Variants in ZNF678 observed in about 807,000 individuals in gnomAD.
ZNF678 encodes the protein hypothetical protein MGC42493.
A neutral mutation model predicts 3.0 loss-of-function variants in ZNF678; 5 were observed. The observed-to-expected ratio is 1.69, with a 90% CI of 0.88 to 3.56. The LOEUF is 3.56. ZNF678 is among the 30% of genes most tolerant of loss of function. The pLI is 0.00. For synonymous variants in ZNF678, 218 were observed against 199.6 expected, an observed-to-expected ratio of 1.09 and a Z score of -0.78; for missense variants, 593 against 605.0, an observed-to-expected ratio of 0.98 and a Z score of 0.21.
At chr1:227,637,506 GT>G (rs1167021234) in intron 1 of ZNF678, among the ~76,000 whole-genome samples, 2 of 152,202 alleles carry the variant, frequency 1.3e-5, no homozygotes, top group African/African-American at 4.8e-5. Context: ...GTTTAGAGAG[GT>G]AGGCAACAAC....
rs543399918 is a variant in ZNF678 at position 227,646,531 on chromosome 1, T to TC, written c.-163-13_-163-12insC. ...ACATTTTGTAAATACGTGTGTATTTTTCCCCCCCCCAGGGACTACTGGCAT... is the reference window on the plus strand; with the variant it reads ...ACATTTTGTAAATACGTGTGTATTTTCTCCCCCCCCCAGGGACTACTGGCAT... On this transcript the variant is annotated splice_polypyrimidine_tract_variant and intron_variant, in intron 1 of 3. Coordinates refer to ENST00000343776, the MANE Select transcript of ZNF678 (RefSeq NM_001367909.1). The TC allele has an allele frequency of 2.5e-3, 3,315 of 1,329,966 alleles. 45 individuals carry two copies. The African/African-American group carries it at 0.058, about 23-fold the overall frequency. 82.4% of individuals were successfully genotyped at this position (1,329,966 alleles called of 1,614,324 possible).
intron 1 of ZNF678, among the ~76,000 whole-genome samples, chr1:227,567,609 A>G (rs1656724138): frequency 6.6e-6 from 1 of 152,128 alleles, no homozygotes; most frequent in Admixed American, 6.5e-5. Flanking sequence ...TCTGAGGATA[A>G]ATTTCATTGT....
At chr1:227,668,698 A>G (rs1179190366) in intron 5 of ZNF678, among the ~76,000 whole-genome samples, 1 of 152,202 alleles carries the variant, frequency 6.6e-6, no homozygotes, top group Non-Finnish European at 1.5e-5. Context: ...TGTTTAAAAT[A>G]TAATTTGAAT....
intron 1 of ZNF678, among the ~76,000 whole-genome samples, chr1:227,640,224 G>A (rs377650704): frequency 1.3e-5 from 2 of 152,166 alleles, no homozygotes; most frequent in Non-Finnish European, 2.9e-5. Flanking sequence ...TGAGGAAGGA[G>A]AATGAGTACA....
chr1:227,580,945 C>T (rs961728714), intron 1 of ZNF678, among the ~76,000 whole-genome samples: 1 of 151,782 alleles, frequency 6.6e-6, no homozygotes, highest in African/African-American at 2.4e-5. Flanking sequence ...AAAAATTTTA[C>T]CACAGAAAAT....
intron 1 of ZNF678, among the ~76,000 whole-genome samples, chr1:227,640,692 CGCAA>C (rs1558151935): frequency 6.6e-6 from 1 of 151,872 alleles, no homozygotes; most frequent in African/African-American, 2.4e-5. Context: ...CAGGCTGTAT[CGCAA>C]AAAAAGACAA....
rs1462184098 is a variant in ZNF678, at chr1:227,655,961, A to G, written c.*133A>G. 1 of 620,364 alleles carries G rather than the reference A, an allele frequency of 1.6e-6. No homozygotes were observed. The highest frequency in any genetic ancestry group is 2.5e-6 in the Non-Finnish European group (1 of 398,458). 38.4% of individuals were successfully genotyped at this position (620,364 alleles called of 1,614,324 possible). ...AACACTATACTGAATGAAATTTATA[A>G]ATATAAAAGATTACAATATCTTTAT... On this transcript the variant is annotated 3_prime_UTR_variant, in exon 4 of 4. Coordinates refer to ENST00000343776, the MANE Select transcript of ZNF678 (RefSeq NM_001367909.1).
At chr1:227,571,089 C>T (rs1414492139) in intron 1 of ZNF678, among the ~76,000 whole-genome samples, 2 of 152,118 alleles carry the variant, frequency 1.3e-5, no homozygotes, top group African/African-American at 4.8e-5. Context: ...GGCTGTATTA[C>T]AGGTTATTTA....
intron 1 of ZNF678, among the ~76,000 whole-genome samples, chr1:227,600,906 T>C (rs1343762404): frequency 6.6e-6 from 1 of 152,184 alleles, no homozygotes; most frequent in African/African-American, 2.4e-5. Flanking sequence ...GGTTTAGTTA[T>C]GGATTTTACA....
chr1:227,582,822 C>T (rs974605633), intron 1 of ZNF678, among the ~76,000 whole-genome samples: 1 of 152,174 alleles, frequency 6.6e-6, no homozygotes, highest in Non-Finnish European at 1.5e-5. Context: ...CTTGGCACCA[C>T]TAGTGCCAGT....
At position 227,625,407 on chromosome 1, in the gene ZNF678, A is replaced by T. The variant is rs1229834561; in HGVS notation, c.-163-21137A>T. 4.6e-5 allele frequency among the ~76,000 whole-genome samples: 7 copies of T among 152,110 alleles called. No individual in the cohort carries two copies. The East Asian group carries it at 1.2e-3, about 25-fold the overall frequency. ...GATTTCCTCAGGAGGGGTTCCTTCA[A>T]TGTCATCAACATTGGAGCATGGGCT... is the stretch of plus-strand genomic sequence containing the variant. On this transcript the variant is annotated intron_variant, in intron 1 of 3. Coordinates refer to ENST00000343776, the MANE Select transcript of ZNF678 (RefSeq NM_001367909.1).
chr1:227,628,331 C>G (rs1321137429), intron 1 of ZNF678, among the ~76,000 whole-genome samples: 1 of 152,114 alleles, frequency 6.6e-6, no homozygotes, highest in Non-Finnish European at 1.5e-5. Flanking sequence ...AGTCTTGCTC[C>G]ATTGGCAAGC....
chr1:227,620,070 A>T (rs772145502), intron 1 of ZNF678, among the ~76,000 whole-genome samples: 1 of 152,204 alleles, frequency 6.6e-6, no homozygotes, highest in African/African-American at 2.4e-5. Context: ...GAGCATCTCC[A>T]TATGGTGAAA....
chr1:227,606,498 G>A (rs1023557620), intron 1 of ZNF678, among the ~76,000 whole-genome samples: 1 of 152,154 alleles, frequency 6.6e-6, no homozygotes, highest in Non-Finnish European at 1.5e-5. Context: ...GGCTTTACAC[G>A]GAGACATTCC....
At chr1:227,632,952 A>G (rs1180215477) in intron 1 of ZNF678, among the ~76,000 whole-genome samples, 3 of 152,148 alleles carry the variant, frequency 2.0e-5, no homozygotes, top group Non-Finnish European at 2.9e-5. Context: ...TTATAGCTCT[A>G]TTAGAAGCCA....
intron 1 of ZNF678, among the ~76,000 whole-genome samples, chr1:227,583,118 C>T (rs1657171494): frequency 6.6e-6 from 1 of 151,894 alleles, no homozygotes; most frequent in Non-Finnish European, 1.5e-5. Flanking sequence ...GCTCTGACTC[C>T]TTAGAAATAA....
intron 1 of ZNF678, among the ~76,000 whole-genome samples, chr1:227,641,588 A>G (rs1197988621): frequency 6.6e-6 from 1 of 152,188 alleles, no homozygotes; most frequent in African/African-American, 2.4e-5. Context: ...ATTACCAAAC[A>G]TGATATAAAC....
At chr1:227,626,597 C>T (rs891959759) in intron 1 of ZNF678, among the ~76,000 whole-genome samples, 19 of 152,174 alleles carry the variant, frequency 1.2e-4, no homozygotes, top group African/African-American at 4.6e-4. Flanking sequence ...TTAGGAAGGG[C>T]CGTCCATACA....
Position 227,655,594 on chromosome 1 carries a change from TAGTA to T in ZNF678, c.1347_1350del (p.Lys450IlefsTer100), listed in dbSNP as rs1319423133. The T allele has an allele frequency of 1.2e-6, 2 of 1,608,126 alleles. No homozygotes were observed. The highest frequency in any genetic ancestry group is 1.7e-6 in the Non-Finnish European group (2 of 1,177,664). On this transcript the variant is annotated frameshift_variant, in exon 4 of 4. Coordinates refer to ENST00000343776, the MANE Select transcript of ZNF678 (RefSeq NM_001367909.1). LOFTEE classifies it low-confidence loss of function (END_TRUNC). ...AAGCTTTTTACCAATCCTCAATCCT[TAGTA>T]AGCATAAGAGAATTCATACTGAAGA...
Sources: gnomAD v4.1 joint callset for allele counts (sites outside exome capture counted in the v4.1 genomes callset) on GRCh38, gnomAD v4.1.1 for gene constraint, MANE v1.5 for transcripts, NCBI Gene and HGNC (gene_info 2026-07-23, HGNC 2026-07-21) for gene names.